Variants in MPZL3 observed in about 807,000 individuals in gnomAD.
The protein encoded by MPZL3 is myelin protein zero like 3, also known as myelin protein zero-like protein 3.
A neutral mutation model predicts 24.8 loss-of-function variants in MPZL3; 23 were observed. The observed-to-expected ratio is 0.93, with a 90% CI of 0.67 to 1.31. The LOEUF (loss-of-function observed/expected upper bound fraction) is 1.31. Ranked by LOEUF, MPZL3 falls within the 40% of genes most tolerant of loss-of-function variation. The pLI, the probability that MPZL3 is intolerant of heterozygous loss-of-function variation, is 0.00. For missense variants in MPZL3, 277 were observed against 294.9 expected (o/e 0.94, Z 0.44); for synonymous variants, 99 against 106.5 (o/e 0.93, Z 0.44).
chr11:118,228,698 AAAC>A lies in MPZL3; in HGVS notation c.*1193_*1195del, dbSNP rs1336126895. On this transcript the variant is annotated 3_prime_UTR_variant, in exon 6 of 6. Coordinates refer to ENST00000278949, the MANE Select transcript of MPZL3 (RefSeq NM_198275.3). ...TTTTAGAAATCAACAAAGTTTTGAA[AAAC>A]AATACAAGTGAAAAGATGATTTAAT... 7.4e-6 allele frequency: 1 copy of A among 135,326 alleles called. No homozygotes were observed. The highest frequency in any genetic ancestry group is 1.6e-5 in the Non-Finnish European group (1 of 64,234). 8.4% of individuals were successfully genotyped at this position (135,326 alleles called of 1,614,324 possible).
chr11:118,252,349 C>T lies in MPZL3; in HGVS notation c.-55G>A. 3 of 1,557,908 alleles carry T rather than the reference C, an allele frequency of 1.9e-6. No homozygotes were observed. Among genetic ancestry groups the T allele is most frequent in the Non-Finnish European group, 2.6e-6 (3 of 1,132,158 alleles). On this transcript the variant is annotated 5_prime_UTR_variant, in exon 1 of 6. In the 5' UTR this introduces an upstream ATG that the reference lacks. Coordinates refer to ENST00000278949, the MANE Select transcript of MPZL3 (RefSeq NM_198275.3). The stretch of plus-strand genomic sequence containing the variant: ...TTGTTTACAGCTCCCGGTAACGACA[C>T]AGGTAACACCGGAAGTGACGTCAGA...
chr11:118,233,387 A>G (rs1949377832), intron 5 of MPZL3, 73 bp downstream of exon 5: 9 of 1,528,352 alleles, frequency 5.9e-6, no homozygotes, highest in African/African-American at 1.4e-5. Context: ...CTCTGAGGGC[A>G]TAGGATGGAT....
chr11:118,246,928 T>TGACA (rs764802581), intron 1 of MPZL3, among the ~76,000 whole-genome samples: 1 of 152,094 alleles, frequency 6.6e-6, no homozygotes, highest in Non-Finnish European at 1.5e-5. Context: ...TTAAGGAAGC[T>TGACA]GACAGCAGCA....
At position 118,235,569 on chromosome 11, in the gene MPZL3, A is replaced by C; in HGVS notation, c.472T>G (p.Ser158Ala). The C allele has an allele frequency of 1.2e-6, 2 of 1,613,958 alleles. No homozygotes were observed. Among genetic ancestry groups the C allele is most frequent in the Non-Finnish European group, 1.7e-6 (2 of 1,179,894 alleles). Residue 158 changes from serine (S) to alanine (A), a missense_variant, in exon 4 of 6, where the codon TCT (serine) becomes GCT (alanine). Coordinates refer to ENST00000278949, the MANE Select transcript of MPZL3 (RefSeq NM_198275.3). ...ACAAGGATGGAAAGAAGGGCCACAG[A>C]GGAAAGCATGGTGCCAAAACCTAGA... ...TERGFGTMLS[S>A]VALLSILVFV...
At chr11:118,250,168 A>ATTTT (rs71041823) in intron 1 of MPZL3, among the ~76,000 whole-genome samples, 1 of 104,260 alleles carries the variant, frequency 9.6e-6, no homozygotes, top group African/African-American at 3.8e-5. Flanking sequence ...CACCTGGCTA[A>ATTTT]TTTTTTTTTT....
Position 118,229,694 on chromosome 11 carries a change from G to C in MPZL3, c.*200C>G. ...AGGGGAAGTCATGAGTCTCTTATGA[G>C]AGTTCCTGAACAGTTTATAAATACA... On this transcript the variant is annotated 3_prime_UTR_variant, in exon 6 of 6. Transcript: ENST00000278949. 2 of 466,988 alleles carry C rather than the reference G, an allele frequency of 4.3e-6. No individual in the cohort carries two copies. Among genetic ancestry groups the C allele is most frequent in the Non-Finnish European group, 3.8e-6 (1 of 263,712 alleles). The allele number at this position is 466,988 out of a possible 1,614,324, so 28.9% of individuals were successfully genotyped here.
intron 1 of MPZL3, among the ~76,000 whole-genome samples, chr11:118,247,348 G>A (rs1454608737): frequency 6.6e-6 from 1 of 152,086 alleles, no homozygotes; most frequent in East Asian, 1.9e-4. Context: ...GTGGTGTCCT[G>A]GTAAACAGCA....
rs372469506 is a variant in MPZL3 at position 118,252,264 on chromosome 11, C to G, written c.31G>C (p.Gly11Arg). 2.4e-5 allele frequency: 39 copies of G among 1,613,880 alleles called. No homozygotes were observed. In the African/African-American group the frequency reaches 5.1e-4, roughly 21 times the overall value. ...CCCAGCAGAGGGAAGAGAGCGCAGC[C>G]ACGGCTTCCAGCTGCTCCTCTCTGC... is the stretch of plus-strand genomic sequence containing the variant. MQQRGAAGSR[G>R]CALFPLLGVL... Residue 11 changes from glycine (G) to arginine (R), a missense_variant, in exon 1 of 6, where the codon GGC (glycine) becomes CGC (arginine). By Grantham distance (125) the Gly-to-Arg change is moderately radical (BLOSUM62 -2). Transcript: ENST00000278949.
At chr11:118,238,978 C>A (rs1190502466) in intron 2 of MPZL3, among the ~76,000 whole-genome samples, 2 of 152,184 alleles carry the variant, frequency 1.3e-5, no homozygotes, top group Admixed American at 1.3e-4. Context: ...GTTCATGAAA[C>A]TCATATCCCT....
chr11:118,237,247 T>G lies in MPZL3; in HGVS notation c.254A>C (p.Gln85Pro). ...SSHTVSIFHY[Q>P]SFQYPTTAGT... ...TGCTGTGGTTGGGTACTGGAAAGAC[T>G]GATAATGAAATATCTAAGAAAGCAA... Residue 85 changes from glutamine (Q) to proline (P), a missense_variant, in exon 3 of 6, where the codon CAG becomes CCG. Transcript: ENST00000278949. 6.2e-7 allele frequency: 1 copy of G among 1,613,990 alleles called. No homozygotes were observed. The highest frequency in any genetic ancestry group is 1.1e-5 in the South Asian group (1 of 91,076).
chr11:118,231,828 C>CT (rs1458635338), intron 5 of MPZL3, among the ~76,000 whole-genome samples: 1 of 152,184 alleles, frequency 6.6e-6, no homozygotes, highest in Non-Finnish European at 1.5e-5. Context: ...CCACCACCAC[C>CT]ACCCTGGTCC....
intron 1 of MPZL3, 97 bp downstream of exon 1, chr11:118,252,125 G>C: frequency 8.2e-7 from 1 of 1,221,924 alleles, no homozygotes; most frequent in Admixed American, 1.7e-5. Context: ...GAGCTATGCG[G>C]GGGCTTTCTG....
chr11:118,252,241 C>T lies in MPZL3; in HGVS notation c.54G>A (p.Leu18=). Reference sequence around the variant, plus strand: ...ACTCACCCTGGAAGAACAGGACGCCCAGCAGAGGGAAGAGAGCGCAGCCAC... The same window carrying T: ...ACTCACCCTGGAAGAACAGGACGCCTAGCAGAGGGAAGAGAGCGCAGCCAC... ...GSRGCALFPL[L]GVLFFQGVYI... The change falls in exon 1 of 6, where the codon CTG becomes CTA. Residue 18 remains leucine (L), a synonymous_variant. Transcript: ENST00000278949. The T allele has an allele frequency of 6.2e-7, 1 of 1,613,946 alleles. No homozygotes were observed. Among genetic ancestry groups the T allele is most frequent in the Non-Finnish European group, 8.5e-7 (1 of 1,179,990 alleles).
At chr11:118,247,503 G>T (rs146908539) in intron 1 of MPZL3, among the ~76,000 whole-genome samples, 23 of 152,272 alleles carry the variant, frequency 1.5e-4, no homozygotes, top group African/African-American at 5.5e-4. Context: ...ATACTTAATT[G>T]GCTTTTGAGA....
chr11:118,240,735 AC>A (rs1949485480), intron 1 of MPZL3, among the ~76,000 whole-genome samples: 1 of 24,152 alleles, frequency 4.1e-5, no homozygotes, highest in Non-Finnish European at 9.5e-5. Flanking sequence ...CCCCGCAGAC[AC>A]ACACACACAC....
chr11:118,248,848 CT>C (rs906155055), intron 1 of MPZL3, among the ~76,000 whole-genome samples: 11 of 152,000 alleles, frequency 7.2e-5, no homozygotes, highest in African/African-American at 2.7e-4. Flanking sequence ...CAACTTTATT[CT>C]TTTTTTCCCC....
intron 1 of MPZL3, among the ~76,000 whole-genome samples, chr11:118,243,029 C>A (rs745778910): frequency 6.6e-6 from 1 of 152,056 alleles, no homozygotes; most frequent in Non-Finnish European, 1.5e-5. Flanking sequence ...ACTCTTAACT[C>A]CCCTACACTC....
At position 118,229,530 on chromosome 11, in the gene MPZL3, G is replaced by A. The variant is rs537295798; in HGVS notation, c.*364C>T. ...TTTAAAAAATTATTTGGGTATCAGC[G>A]GTGTGGCAAACATTCAAAATTCTCC... On this transcript the variant is annotated 3_prime_UTR_variant, in exon 6 of 6. Coordinates refer to ENST00000278949, the MANE Select transcript of MPZL3 (RefSeq NM_198275.3). The A allele has an allele frequency of 1.8e-3, 340 of 184,330 alleles. 2 individuals are homozygous for A. Among genetic ancestry groups the A allele is most frequent in the African/African-American group, 7.6e-3 (321 of 42,472 alleles). The allele number at this position is 184,330 out of a possible 1,614,324, so 11.4% of individuals were successfully genotyped here.
chr11:118,235,692 A>T lies in MPZL3; in HGVS notation c.452-103T>A, dbSNP rs148910356. 8 of 1,158,344 alleles carry T rather than the reference A, an allele frequency of 6.9e-6. No homozygotes were observed. In the African/African-American group the frequency reaches 1.2e-4, roughly 18 times the overall value. 71.8% of individuals were successfully genotyped at this position (1,158,344 alleles called of 1,614,324 possible). On this transcript the variant is annotated intron_variant, in intron 3 of 5. Transcript: ENST00000278949. ...TTTTGCTCTTATATTTCTTCTGATTACAAAAGTAATAAATCATTGTGTGAA... is the reference window on the plus strand; with the variant it reads ...TTTTGCTCTTATATTTCTTCTGATTTCAAAAGTAATAAATCATTGTGTGAA...
Sources: allele counts gnomAD v4.1 joint callset (sites outside exome capture counted in the v4.1 genomes callset), GRCh38; gene constraint gnomAD v4.1.1; transcripts MANE v1.5; gene names NCBI Gene and HGNC (gene_info 2026-07-23, HGNC 2026-07-21).